Variants in DGKD observed in about 807,000 individuals in gnomAD.
The protein encoded by DGKD is diacylglycerol kinase delta.
Under a neutral mutation model 154.4 loss-of-function variants are expected in DGKD, and 68 were observed. The observed-to-expected ratio is 0.44, with a 90% CI of 0.36 to 0.54. The LOEUF is 0.54. Ranked by LOEUF, DGKD falls within the 20% of genes least tolerant of loss-of-function variation. The pLI is 0.00. For synonymous variants in DGKD, 693 were observed against 638.0 expected (o/e 1.09, Z -1.30); for missense variants, 1,343 against 1,593.6 (o/e 0.84, Z 2.68).
In DGKD at chr2:233,371,971, G is replaced by C. The variant is rs946797727; in HGVS notation, c.157-16286G>C. Among the ~76,000 whole-genome samples the C allele has an allele frequency of 3.9e-5, 6 of 152,308 alleles. No individual in the cohort carries two copies. In the South Asian group the frequency reaches 1.0e-3, roughly 26 times the overall value. On this transcript the variant is annotated intron_variant, in intron 1 of 29. Coordinates refer to ENST00000264057, the MANE Select transcript of DGKD (RefSeq NM_152879.3). Reference sequence around the variant, plus strand: ...ACATATTTAAAGAGTTTAAAAGGAAGTATCTGCATTTCAGAATTTTTACTG... The same window carrying C: ...ACATATTTAAAGAGTTTAAAAGGAACTATCTGCATTTCAGAATTTTTACTG...
Position 233,438,397 on chromosome 2 carries a change from T to C in DGKD, c.1085+18T>C, listed in dbSNP as rs1340022210. The C allele has an allele frequency of 3.1e-6, 5 of 1,596,102 alleles. No homozygotes were observed. The highest frequency in any genetic ancestry group is 4.3e-6 in the Non-Finnish European group (5 of 1,170,026). On this transcript the variant is annotated intron_variant, in intron 9 of 29. Transcript: ENST00000264057. This position sits in a 1 kb window ranked among gnomAD's most constrained non-coding sequence, Gnocchi z 4.1. The stretch of plus-strand genomic sequence containing the variant: ...CACCTCGGGTAGGAAGCTTGTAAAA[T>C]ATATCTTTCTTGGAGTTTTAAAAAT...
chr2:233,447,637 CAGGGATAGG>C, intron 12 of DGKD: 1 of 996,232 alleles, frequency 1.0e-6, no homozygotes, highest in Non-Finnish European at 1.2e-6. Flanking sequence ...AGGGATCCCA[CAGGGATAGG>C]GCTGCCCTTC....
chr2:233,356,998 G>A (rs1701556928), intron 1 of DGKD, among the ~76,000 whole-genome samples: 1 of 152,206 alleles, frequency 6.6e-6, no homozygotes. Context: ...CACAGGTGAT[G>A]TGAGAACTGA....
intron 8 of DGKD, among the ~76,000 whole-genome samples, chr2:233,437,714 G>A (rs2062746816): frequency 6.6e-6 from 1 of 152,192 alleles, no homozygotes; most frequent in African/African-American, 2.4e-5. Flanking sequence ...TGGAGGTGAT[G>A]CTGTTGAGTG....
intron 17 of DGKD, among the ~76,000 whole-genome samples, 177 bp downstream of exon 17, chr2:233,451,227 A>G (rs1396534951): frequency 8.5e-6 from 1 of 117,268 alleles, no homozygotes; most frequent in South Asian, 2.8e-4. Context: ...TTTTAAAAAC[A>G]AAAAACAAAA....
intron 1 of DGKD, among the ~76,000 whole-genome samples, chr2:233,365,605 C>G (rs1001591961): frequency 5.9e-5 from 9 of 152,180 alleles, no homozygotes; most frequent in African/African-American, 2.2e-4. Flanking sequence ...ATTGTAGAAT[C>G]TAAGTTTTTT....
chr2:233,436,708 G>A (rs2062709572), intron 7 of DGKD, among the ~76,000 whole-genome samples: 1 of 152,286 alleles, frequency 6.6e-6, no homozygotes, highest in South Asian at 2.1e-4. Flanking sequence ...ATGCGGCACT[G>A]TAGCCGGGTT....
chr2:233,434,892 T>C lies in DGKD; in HGVS notation c.577T>C (p.Ser193Pro). The C allele has an allele frequency of 6.2e-7, 1 of 1,613,284 alleles. No homozygotes were observed. Among genetic ancestry groups the C allele is most frequent in the Non-Finnish European group, 8.5e-7 (1 of 1,179,886 alleles). ...GTCTGGGGTCACGTCGCACGGGCTG[T>C]CCTGCGAGGGTACGGATGTGCGTTT... ...ALSGVTSHGL[S>P]CEVCKFKAHK... Residue 193 changes from serine to proline, a missense_variant, in exon 5 of 30, where the codon TCC becomes CCC. Transcript: ENST00000264057.
intron 1 of DGKD, among the ~76,000 whole-genome samples, chr2:233,372,613 T>A (rs1242462503): frequency 6.6e-6 from 1 of 152,058 alleles, no homozygotes; most frequent in Admixed American, 6.6e-5. Context: ...TAATTTTTAT[T>A]TTTTTTCTTA....
At position 233,450,031 on chromosome 2, in the gene DGKD, G is replaced by A. The variant is rs2063219926; in HGVS notation, c.1938G>A (p.Leu646=). Residue 646 remains leucine, a synonymous_variant, in exon 16 of 30, where the codon CTG becomes CTA. Coordinates refer to ENST00000264057, the MANE Select transcript of DGKD (RefSeq NM_152879.3). ...CCCAGGAGCAGGAGGGCTTCGTCCT[G>A]GGCCTCTCTGAGTCAGAGGAGAAGA... The part of the protein sequence containing the change: ...AQTQEQEGFV[L]GLSESEEKMD... 5 of 1,613,622 alleles carry A rather than the reference G, an allele frequency of 3.1e-6. No individual in the cohort carries two copies. Among genetic ancestry groups the A allele is most frequent in the Non-Finnish European group, 4.2e-6 (5 of 1,179,834 alleles).
intron 29 of DGKD, 78 bp from the exon 30 acceptor site, chr2:233,469,293 G>A (rs889532550): frequency 8.5e-6 from 11 of 1,294,858 alleles, no homozygotes; most frequent in Admixed American, 6.0e-5. Flanking sequence ...GGGAAGGGCC[G>A]TTGTGGCAGG....
In DGKD at chr2:233,467,154, G is replaced by A. The variant is rs1207235270; in HGVS notation, c.3375G>A (p.Lys1125=). ...TCCGCCTCGTGACCAAGTTTAAAAA[G>A]GAGAAAAACAACAAGAACAAAGAAG... ...GKFRLVTKFK[K]EKNNKNKEAH... Residue 1125 remains lysine, a synonymous_variant, in exon 28 of 30, where the codon AAG becomes AAA. Transcript: ENST00000264057. The A allele has an allele frequency of 6.2e-7, 1 of 1,614,222 alleles. No individual in the cohort carries two copies. Among genetic ancestry groups the A allele is most frequent in the Admixed American group, 1.7e-5 (1 of 60,028 alleles).
Position 233,457,537 on chromosome 2 carries a change from G to C in DGKD, c.2580+209G>C, listed in dbSNP as rs746767511. 1.7e-5 allele frequency: 11 copies of C among 664,862 alleles called. No homozygotes were observed. The highest frequency in any genetic ancestry group is 4.1e-5 in the Admixed American group (2 of 48,668). 41.2% of individuals were successfully genotyped at this position (664,862 alleles called of 1,614,324 possible). On this transcript the variant is annotated intron_variant, in intron 21 of 29. Transcript: ENST00000264057. The surrounding 1 kb of genome is among the most constrained non-coding windows in gnomAD (Gnocchi z 5.5). ...GCAGTTGTGTCAGTGAAGGTGGTCA[G>C]TGAGGGTCTGTGGTCAGCAGATGTG...
chr2:233,457,654 C>A lies in DGKD; in HGVS notation c.2580+326C>A. The A allele has an allele frequency of 2.1e-6, 1 of 483,630 alleles. No homozygotes were observed. Among genetic ancestry groups the A allele is most frequent in the Non-Finnish European group, 4.1e-6 (1 of 246,502 alleles). 30.0% of individuals were successfully genotyped at this position (483,630 alleles called of 1,614,324 possible). A position where few individuals can be genotyped will look rare whatever the true frequency, so the allele number is the denominator to read the frequency against. On this transcript the variant is annotated intron_variant, in intron 21 of 29. Transcript: ENST00000264057. This position sits in a 1 kb window ranked among gnomAD's most constrained non-coding sequence, Gnocchi z 5.5. ...GTTGGAGTTGGCTAAGTTAGGTGGGCAGAGGAGAGGGGGAGGCTGTTCCAG... is the reference window on the plus strand; with the variant it reads ...GTTGGAGTTGGCTAAGTTAGGTGGGAAGAGGAGAGGGGGAGGCTGTTCCAG...
chr2:233,415,837 G>C (rs968682838), intron 3 of DGKD, among the ~76,000 whole-genome samples: 1 of 152,064 alleles, frequency 6.6e-6, no homozygotes, highest in Admixed American at 6.5e-5. Flanking sequence ...TGTTGCCCAG[G>C]CTGGTCTTGA....
intron 1 of DGKD, among the ~76,000 whole-genome samples, chr2:233,362,768 G>A (rs1014726153): frequency 2.0e-5 from 3 of 152,222 alleles, no homozygotes; most frequent in African/African-American, 7.2e-5. Context: ...ATCAATTCCT[G>A]GTACACCCTT....
At chr2:233,376,599 G>GT (rs1284564521) in intron 1 of DGKD, among the ~76,000 whole-genome samples, 1 of 151,982 alleles carries the variant, frequency 6.6e-6, no homozygotes, top group Non-Finnish European at 1.5e-5. Flanking sequence ...TAATATATAT[G>GT]TTTTTTATTA....
intron 3 of DGKD, among the ~76,000 whole-genome samples, chr2:233,408,166 C>A (rs2061733189): frequency 6.6e-6 from 1 of 151,374 alleles, no homozygotes; most frequent in South Asian, 2.1e-4. Context: ...CCTCAGCCTC[C>A]CAAGTAGCTG....
chr2:233,439,884 G>C (rs998816765), intron 9 of DGKD, among the ~76,000 whole-genome samples: 10 of 152,082 alleles, frequency 6.6e-5, no homozygotes, highest in Non-Finnish European at 1.5e-4. Flanking sequence ...GCCTGGCAAA[G>C]AAATAATTTT....
Sources: allele counts gnomAD v4.1 joint callset (sites outside exome capture counted in the v4.1 genomes callset), GRCh38; gene constraint gnomAD v4.1.1; non-coding constraint Gnocchi (gnomAD v3.1); transcripts MANE v1.5; gene names NCBI Gene and HGNC (gene_info 2026-07-23, HGNC 2026-07-21).